The following CDK13 variants were observed in gnomAD, a reference collection of about 807,000 sequenced individuals.
The protein encoded by CDK13 is cyclin dependent kinase 13, also known as cyclin-dependent kinase 13.
Under a neutral mutation model 137.6 loss-of-function variants are expected in CDK13, and 40 were observed. That is an observed-to-expected ratio of 0.29 (90% CI 0.23 to 0.38). CDK13 has a LOEUF of 0.38. Among genes scored for constraint, CDK13 ranks in the 10% least tolerant of loss-of-function variants. The probability of loss-of-function intolerance (pLI) is 1.00; values close to 1 mark genes in which losing one functional copy is unlikely to be tolerated. For synonymous variants in CDK13, 869 were observed against 760.1 expected, an observed-to-expected ratio of 1.14 and a Z score of -2.36; for missense variants, 1,704 against 1,951.8, an observed-to-expected ratio of 0.87 and a Z score of 2.39.
intron 9 of CDK13, among the ~76,000 whole-genome samples, chr7:40,063,778 C>T (rs1414170824): frequency 1.3e-5 from 2 of 152,010 alleles, no homozygotes; most frequent in Non-Finnish European, 2.9e-5. Context: ...CTGCCTCAGC[C>T]TCCCGAGTAG....
At chr7:40,069,464 T>C (rs1455695053) in intron 9 of CDK13, 4 of 302,974 alleles carry the variant, frequency 1.3e-5, no homozygotes, top group African/African-American at 8.7e-5. Flanking sequence ...CCATATGCTC[T>C]TAAGTTTTTT....
chr7:40,017,184 A>G (rs1044209698), intron 5 of CDK13, among the ~76,000 whole-genome samples: 1 of 152,110 alleles, frequency 6.6e-6, no homozygotes, highest in African/African-American at 2.4e-5. Flanking sequence ...TATATTTTGT[A>G]TTTTATTAGG....
chr7:39,981,263 G>T (rs1047964336), intron 1 of CDK13, among the ~76,000 whole-genome samples: 2 of 151,934 alleles, frequency 1.3e-5, no homozygotes, highest in African/African-American at 4.8e-5. Context: ...CGCTACTTTT[G>T]GGGGGTGGAG....
At chr7:39,956,054 A>C (rs946748682) in intron 1 of CDK13, among the ~76,000 whole-genome samples, 1 of 152,172 alleles carries the variant, frequency 6.6e-6, no homozygotes, top group Non-Finnish European at 1.5e-5. Context: ...TTTGTCCTGA[A>C]AACTATAGTT....
chr7:40,047,765 AT>A (rs1785782213), intron 6 of CDK13, 55 bp from the exon 7 acceptor site: 1 of 1,164,010 alleles, frequency 8.6e-7, no homozygotes. Flanking sequence ...ATAAATGTGT[AT>A]TGTCAATTAA....
At chr7:40,079,469 AAATACTT>A (rs1319461936) in intron 11 of CDK13, among the ~76,000 whole-genome samples, 3 of 152,264 alleles carry the variant, frequency 2.0e-5, no homozygotes, top group Admixed American at 1.3e-4. Context: ...TACTTCTACT[AAATACTT>A]AACACTACTA....
chr7:40,068,741 T>G (rs1363519354), intron 9 of CDK13, among the ~76,000 whole-genome samples: 1 of 144,816 alleles, frequency 6.9e-6, no homozygotes, highest in Non-Finnish European at 1.5e-5. Flanking sequence ...AGGAAACAGT[T>G]GATTTGGAGA....
rs1180834007 is a variant in CDK13 at position 40,094,186 on chromosome 7, C to T, written c.3745C>T (p.Pro1249Ser). The T allele has an allele frequency of 2.5e-6, 4 of 1,613,906 alleles. No homozygotes were observed. The highest frequency in any genetic ancestry group is 4.5e-5 in the East Asian group (2 of 44,868). ...GAGGATCTTGGAGCTAACGCCAGAA[C>T]CAGACCGGCCTCGAATTCTGCCTCC... ...DMRILELTPE[P>S]DRPRILPPDQ... Residue 1249 changes from proline (P) to serine (S), a missense_variant, in exon 14 of 14, where the codon CCA becomes TCA. Pro to Ser is a moderately conservative substitution (Grantham distance 74). This residue lies in a region of CDK13 where 475 missense variants were observed against 579.3 expected (regional missense o/e 0.82). Coordinates refer to ENST00000181839, the MANE Select transcript of CDK13 (RefSeq NM_003718.5).
At chr7:40,062,599 GT>G in intron 7 of CDK13, 1 of 464,332 alleles carries the variant, frequency 2.2e-6, no homozygotes, top group East Asian at 4.1e-5. Flanking sequence ...ACTACTTTTT[GT>G]TTTTATCTTC....
At chr7:40,047,179 AAGC>A (rs1398867213) in intron 6 of CDK13, among the ~76,000 whole-genome samples, 3 of 152,286 alleles carry the variant, frequency 2.0e-5, no homozygotes, top group Non-Finnish European at 2.9e-5. Flanking sequence ...AATTTTAAAA[AAGC>A]AGTCACAGTT....
At chr7:40,005,778 C>A (rs889711063) in intron 5 of CDK13, among the ~76,000 whole-genome samples, 1 of 152,130 alleles carries the variant, frequency 6.6e-6, no homozygotes. Flanking sequence ...CCCAAGCTAG[C>A]GTGCGGTGGC....
At chr7:39,988,844 G>A (rs1229627301) in intron 2 of CDK13, among the ~76,000 whole-genome samples, 2 of 152,052 alleles carry the variant, frequency 1.3e-5, no homozygotes, top group African/African-American at 2.4e-5. Flanking sequence ...CACTTTGGGA[G>A]GCCGAGGCGG....
At chr7:40,040,744 G>T (rs1215119856) in intron 5 of CDK13, among the ~76,000 whole-genome samples, 2 of 152,046 alleles carry the variant, frequency 1.3e-5, no homozygotes, top group African/African-American at 4.8e-5. Flanking sequence ...TACTAATGGG[G>T]TCTTCCATTT....
chr7:40,095,522 C>G lies in CDK13; in HGVS notation c.*542C>G, dbSNP rs1426597763. On this transcript the variant is annotated 3_prime_UTR_variant, in exon 14 of 14. Transcript: ENST00000181839. ...CTCATTTCAGAAAATAAAACACAAC[C>G]TTTCTCTTGATGCAACAGTTTTATA... 2 of 149,018 alleles carry G rather than the reference C, an allele frequency of 1.3e-5. No homozygotes were observed. The highest frequency in any genetic ancestry group is 4.3e-4 in the South Asian group (2 of 4,680). 9.2% of individuals were successfully genotyped at this position (149,018 alleles called of 1,614,324 possible).
At chr7:40,011,026 TTCA>T (rs1206893924) in intron 5 of CDK13, among the ~76,000 whole-genome samples, 1 of 152,166 alleles carries the variant, frequency 6.6e-6, no homozygotes, top group Non-Finnish European at 1.5e-5. Flanking sequence ...GCATTCCATG[TTCA>T]TCGATTAGAA....
chr7:39,960,076 C>CTT (rs11367509), intron 1 of CDK13, among the ~76,000 whole-genome samples: 1 of 139,088 alleles, frequency 7.2e-6, no homozygotes, highest in Non-Finnish European at 1.6e-5. Context: ...AAAGTTTTTT[C>CTT]TTTTTTTTTT....
rs1784377349 is a variant in CDK13, at chr7:39,988,029, G to A, written c.1642G>A (p.Val548Met). 2 of 1,614,094 alleles carry A rather than the reference G, an allele frequency of 1.2e-6. No homozygotes were observed. The highest frequency in any genetic ancestry group is 8.5e-7 in the Non-Finnish European group (1 of 1,180,008). The part of the protein sequence containing the change: ...KTKPPLQVTK[V>M]ENNLIVDKAT... Reference sequence around the variant, plus strand: ...AAAGCCACCTCTTCAGGTAACGAAGGTGGAAAATAATTTGATTGTAGATAA... The same window carrying A: ...AAAGCCACCTCTTCAGGTAACGAAGATGGAAAATAATTTGATTGTAGATAA... The change falls in exon 2 of 14, where the codon GTG becomes ATG. Residue 548 changes from valine to methionine, a missense_variant. Physicochemically the swap from Val to Met is conservative, Grantham distance 21 (BLOSUM62 1). This residue lies in a region of CDK13 where 1,051 missense variants were observed against 931.0 expected (regional missense o/e 1.13). Coordinates refer to ENST00000181839, the MANE Select transcript of CDK13 (RefSeq NM_003718.5).
chr7:40,089,045 C>G (rs1264108056), intron 12 of CDK13, among the ~76,000 whole-genome samples: 2 of 151,980 alleles, frequency 1.3e-5, no homozygotes, highest in Non-Finnish European at 2.9e-5. Flanking sequence ...CGCCACTGCA[C>G]TCCAGCCTGT....
intron 2 of CDK13, among the ~76,000 whole-genome samples, chr7:39,994,256 A>G (rs1784517734): frequency 6.6e-6 from 1 of 152,082 alleles, no homozygotes; most frequent in Non-Finnish European, 1.5e-5. Flanking sequence ...ATAAAATTTA[A>G]AAAGGTTAAG....
Sources: gnomAD v4.1 joint callset for allele counts (sites outside exome capture counted in the v4.1 genomes callset) on GRCh38, gnomAD v4.1.1 for gene constraint, gnomAD v4.1.1 regional missense constraint, MANE v1.5 for transcripts, NCBI Gene and HGNC (gene_info 2026-07-23, HGNC 2026-07-21) for gene names.